The following TTN variants were observed in gnomAD, a reference collection of about 807,000 sequenced individuals.
TTN encodes the protein titin.
In TTN, 1,525 loss-of-function variants were observed where a neutral mutation model predicts 3,223.0. That is an observed-to-expected ratio of 0.47 (90% CI 0.45 to 0.49). TTN has a LOEUF of 0.49. Ranked by LOEUF, TTN falls within the 20% of genes least tolerant of loss-of-function variation. The pLI, the probability that TTN is intolerant of heterozygous loss-of-function variation, is 0.00. For missense variants in TTN, 40,786 were observed against 43,424.0 expected, an observed-to-expected ratio of 0.94 and a Z score of 5.40; for synonymous variants, 14,094 against 15,161.0, an observed-to-expected ratio of 0.93 and a Z score of 5.17.
Position 178,804,593 on chromosome 2 carries a change from A to G in TTN, c.50T>C (p.Val17Ala). The change falls in exon 2 of 363, where the codon GTA becomes GCA. Residue 17 changes from valine (V) to alanine (A), a missense_variant. Coordinates refer to ENST00000589042, the MANE Select transcript of TTN (RefSeq NM_001267550.2). ...TFTQPLQSVV[V>A]LEGSTATFEA... ...AAAGGTTGCGGTACTACCCTCCAGTACCACAACGCTTTGTAACGGCTGCGT... is the reference window on the plus strand; with the variant it reads ...AAAGGTTGCGGTACTACCCTCCAGTGCCACAACGCTTTGTAACGGCTGCGT... The G allele has an allele frequency of 6.2e-7, 1 of 1,614,100 alleles. No homozygotes were observed. Among genetic ancestry groups the G allele is most frequent in the Non-Finnish European group, 8.5e-7 (1 of 1,179,976 alleles).
At chr2:178,671,944 T>C in intron 155 of TTN, 27 bp downstream of exon 155, 1 of 1,575,734 alleles carries the variant, frequency 6.3e-7, no homozygotes, top group South Asian at 1.2e-5. Context: ...ATATAAGAAT[T>C]TGTAGTATTT....
chr2:178,728,561 G>A lies in TTN; in HGVS notation c.19365C>T (p.Tyr6455=). ...QSVMKQDSGQ[Y]TFKVENDFGS... is the part of the protein sequence containing the mutation. ...CGAAGTCATTTTCCACCTTGAAAGT[G>A]TACTGACCGCTGTCCTGCTTCATTA... Residue 6455 remains tyrosine (Y), a synonymous_variant, in exon 66 of 363, where the codon TAC becomes TAT. Transcript: ENST00000589042. 2.5e-6 allele frequency: 4 copies of A among 1,613,132 alleles called. No individual in the cohort carries two copies. The highest frequency in any genetic ancestry group is 3.4e-6 in the Non-Finnish European group (4 of 1,179,480).
Position 178,624,567 on chromosome 2 carries a change from T to C in TTN, c.44713A>G (p.Arg14905Gly). 6.2e-7 allele frequency: 1 copy of C among 1,612,810 alleles called. No homozygotes were observed. Among genetic ancestry groups the C allele is most frequent in the South Asian group, 1.1e-5 (1 of 91,064 alleles). ...SKKYEIVADG[R>G]VRKLVIHDCT... The stretch of plus-strand genomic sequence containing the variant: ...TCATGTATAACAAGTTTTCTGACCC[T>C]GCCATCAGCAACAATTTCATACTTC... The change falls in exon 242 of 363, where the codon AGG becomes GGG. Residue 14905 changes from arginine to glycine, a missense_variant. Transcript: ENST00000589042.
At position 178,799,730 on chromosome 2, in the gene TTN, T is replaced by C. The variant is rs866720037; in HGVS notation, c.671A>G (p.Lys224Arg). 5.0e-6 allele frequency: 8 copies of C among 1,614,158 alleles called. No individual in the cohort carries two copies. The Middle Eastern group carries it at 1.3e-3, about 266-fold the overall frequency. ...TCTGGCATCAAAGTGGGCTTCAATC[T>C]TCTGTAAAAGATTAAAACAAAGCCC... ...SESRQTRIEK[K>R]IEAHFDARSI... The change falls in exon 6 of 363, where the codon AAG becomes AGG. Residue 224 changes from lysine (K) to arginine (R), a missense_variant and splice_region_variant. By Grantham distance (26) the Lys-to-Arg change is conservative. Transcript: ENST00000589042.
chr2:178,560,540 T>C lies in TTN; in HGVS notation c.85592A>G (p.Tyr28531Cys). The change falls in exon 326 of 363, where the codon TAT becomes TGT. Residue 28531 changes from tyrosine to cysteine, a missense_variant. Physicochemically the swap from Tyr to Cys is radical, Grantham distance 194. Coordinates refer to ENST00000589042, the MANE Select transcript of TTN (RefSeq NM_001267550.2). ...YIFRVTGVNK[Y>C]GVGEPLESVA... ...ACTCTCTAGGGGCTCACCAACACCA[T>C]ATTTATTAACACCAGTTACTCTAAA... 6.2e-7 allele frequency: 1 copy of C among 1,613,312 alleles called. No homozygotes were observed. Among genetic ancestry groups the C allele is most frequent in the Non-Finnish European group, 8.5e-7 (1 of 1,179,670 alleles).
At position 178,527,152 on chromosome 2, in the gene TTN, G is replaced by A. The variant is rs1686745897; in HGVS notation, c.107836C>T (p.His35946Tyr). The A allele has an allele frequency of 1.2e-6, 2 of 1,613,880 alleles. No homozygotes were observed. Among genetic ancestry groups the A allele is most frequent in the South Asian group, 2.2e-5 (2 of 91,074 alleles). Residue 35946 changes from histidine to tyrosine, a missense_variant, in exon 363 of 363, where the codon CAC becomes TAC. His to Tyr is a moderately conservative substitution (Grantham distance 83, BLOSUM62 2). Coordinates refer to ENST00000589042, the MANE Select transcript of TTN (RefSeq NM_001267550.2). ...KIHSQEQGRF[H>Y]IENTDDLTTL... is the part of the protein sequence containing the mutation. Reference sequence around the variant, plus strand: ...GTCAGGTCATCTGTGTTTTCAATGTGGAACCTCCCCTGTTCTTGACTGTGG... The same window carrying A: ...GTCAGGTCATCTGTGTTTTCAATGTAGAACCTCCCCTGTTCTTGACTGTGG...
chr2:178,720,143 A>T lies in TTN; in HGVS notation c.23499T>A (p.Gly7833=). The T allele has an allele frequency of 6.2e-7, 1 of 1,613,726 alleles. No homozygotes were observed. Among genetic ancestry groups the T allele is most frequent in the Non-Finnish European group, 8.5e-7 (1 of 1,179,716 alleles). The change falls in exon 81 of 363, where the codon GGT becomes GGA. Residue 7833 remains glycine, a synonymous_variant. Coordinates refer to ENST00000589042, the MANE Select transcript of TTN (RefSeq NM_001267550.2). ...TATTTTCACTCTCTCTGATGACTTC[A>T]CCTCTATCTTTCAGCCAGACAACAG... ...PISVVWLKDR[G]EVIRESENTR...
In TTN at chr2:178,681,714, T is replaced by A; in HGVS notation, c.33119A>T (p.Lys11040Met). The A allele has an allele frequency of 1.2e-6, 2 of 1,603,296 alleles. No homozygotes were observed. The highest frequency in any genetic ancestry group is 1.7e-6 in the Non-Finnish European group (2 of 1,177,226). ...ITEPEKPIPV[K>M]PVPEEPVPTK... ...GGGAACTGGTTCTTCTGGGACAGGC[T>A]TTACAGGGATAGGCTTCTCTGGTTC... The change falls in exon 136 of 363, where the codon AAG (lysine) becomes ATG (methionine). Residue 11040 changes from lysine (K) to methionine (M), a missense_variant. Coordinates refer to ENST00000589042, the MANE Select transcript of TTN (RefSeq NM_001267550.2).
In TTN at chr2:178,776,231, C is replaced by T. The variant is rs745311218; in HGVS notation, c.5633G>A (p.Gly1878Glu). 1.3e-5 allele frequency: 21 copies of T among 1,614,038 alleles called. No individual in the cohort carries two copies. Among genetic ancestry groups the T allele is most frequent in the Non-Finnish European group, 1.8e-5 (21 of 1,180,016 alleles). Residue 1878 changes from glycine (G) to glutamate (E), a missense_variant, in exon 28 of 363, where the codon GGA becomes GAA. Coordinates refer to ENST00000589042, the MANE Select transcript of TTN (RefSeq NM_001267550.2). ...CCTTTTGCTTTTGCGGATGAGCTGT[C>T]CATTGAGGTACCAGTTGACTTTGGG... ...PQPKVNWYLN[G>E]QLIRKSKRFR... is the part of the protein sequence containing the mutation.
chr2:178,633,847 GC>G lies in TTN; in HGVS notation c.42651del (p.Glu14217AspfsTer2). ...DISQIKAQVK[E>X]LSSTAQLKVL... ...ACCTTCAGCTGTGCTGTGGAGCTCA[GC>G]TCCTTGACTTGAGCTTTTATCTGAG... On this transcript the variant is annotated frameshift_variant, in exon 231 of 363. Transcript: ENST00000589042. LOFTEE classifies it high-confidence loss of function. The G allele has an allele frequency of 1.9e-6, 3 of 1,613,338 alleles. No individual in the cohort carries two copies. The highest frequency in any genetic ancestry group is 2.5e-6 in the Non-Finnish European group (3 of 1,179,576).
intron 361 of TTN, 66 bp from the exon 362 acceptor site, chr2:178,527,814 T>C (rs1223855859): frequency 1.4e-6 from 2 of 1,443,046 alleles, no homozygotes; most frequent in Non-Finnish European, 1.9e-6. Flanking sequence ...CATATGACGC[T>C]GACTTACAGA....
At chr2:178,555,334 G>A (rs1283489958) in intron 330 of TTN, 182 bp from the exon 331 acceptor site, 2 of 597,726 alleles carry the variant, frequency 3.3e-6, no homozygotes, top group Non-Finnish European at 5.6e-6. Context: ...TATCTCAGAT[G>A]GGGTAGAAAG....
At position 178,566,522 on chromosome 2, in the gene TTN, A is replaced by T. The variant is rs745936423; in HGVS notation, c.79610T>A (p.Val26537Asp). The T allele has an allele frequency of 1.2e-6, 2 of 1,613,462 alleles. No individual in the cohort carries two copies. The highest frequency in any genetic ancestry group is 1.7e-6 in the Non-Finnish European group (2 of 1,179,706). ...CKADEEEWQI[V>D]TPQTGLRVTR... ...GACTCTCAGGCCAGTCTGTGGAGTAACTATTTGCCATTCTTCTTCATCTGC... is the reference window on the plus strand; with the variant it reads ...GACTCTCAGGCCAGTCTGTGGAGTATCTATTTGCCATTCTTCTTCATCTGC... Residue 26537 changes from valine (V) to aspartate (D), a missense_variant, in exon 326 of 363, where the codon GTT becomes GAT. Coordinates refer to ENST00000589042, the MANE Select transcript of TTN (RefSeq NM_001267550.2).
rs1047521985 is a variant in TTN, at chr2:178,797,379, A to G, written c.914+2108T>C. On this transcript the variant is annotated intron_variant, in intron 6 of 362. Transcript: ENST00000589042. The stretch of plus-strand genomic sequence containing the variant: ...TGGAAAACATCTAGCATTTTTTTTC[A>G]CATGTTTATTGGACTTTTACATTGC... Among the ~76,000 whole-genome samples, 17 of 122,616 alleles carry G rather than the reference A, an allele frequency of 1.4e-4. No individual in the cohort carries two copies. The East Asian group carries it at 3.4e-3, about 25-fold the overall frequency. The allele number at this position is 122,616 out of a possible 152,430, so 80.4% of individuals were successfully genotyped here. A position where few individuals can be genotyped will look rare whatever the true frequency, so the allele number is the denominator to read the frequency against.
intron 6 of TTN, chr2:178,799,280 A>ACACACAAG (rs2093928571): frequency 2.8e-6 from 2 of 709,082 alleles, no homozygotes; most frequent in Non-Finnish European, 4.6e-6. Flanking sequence ...TAGTAGGCAG[A>ACACACAAG]CACACAAGCG....
In TTN at chr2:178,568,892, T is replaced by A; in HGVS notation, c.77240A>T (p.Glu25747Val). 6.2e-7 allele frequency: 1 copy of A among 1,613,224 alleles called. No individual in the cohort carries two copies. The highest frequency in any genetic ancestry group is 8.5e-7 in the Non-Finnish European group (1 of 1,179,546). The change falls in exon 326 of 363, where the codon GAG becomes GTG. Residue 25747 changes from glutamate (E) to valine (V), a missense_variant. By Grantham distance (121) the Glu-to-Val change is moderately radical. Coordinates refer to ENST00000589042, the MANE Select transcript of TTN (RefSeq NM_001267550.2). ...MQAKHSEKWS[E>V]CARVKSLQAV... is the part of the protein sequence containing the mutation. ...CTGAAGAGACTTTACTCGAGCACAC[T>A]CTGACCATTTCTCACTGTGTTTAGC...
In TTN at chr2:178,554,974, G is replaced by A. The variant is rs371612136; in HGVS notation, c.88485C>T (p.Leu29495=). Residue 29495 remains leucine, a synonymous_variant, in exon 331 of 363, where the codon CTC becomes CTT. Coordinates refer to ENST00000589042, the MANE Select transcript of TTN (RefSeq NM_001267550.2). ...CGGCATCTTTGATGAGTATAGATGCGAGGTCCGTGGTATTTTCAACACACA... is the reference window on the plus strand; with the variant it reads ...CGGCATCTTTGATGAGTATAGATGCAAGGTCCGTGGTATTTTCAACACACA... ...ALVCVENTTD[L]ASILIKDADR... 1.4e-4 allele frequency: 230 copies of A among 1,613,600 alleles called. 1 individual carries two copies. In the African/African-American group the frequency reaches 2.8e-3, roughly 20 times the overall value.
chr2:178,717,429 C>G, intron 87 of TTN, 47 bp from the exon 88 acceptor site: 1 of 1,576,376 alleles, frequency 6.3e-7, no homozygotes, highest in Non-Finnish European at 8.6e-7. Context: ...TCCATGCTCT[C>G]ACATACAGAG....
In TTN at chr2:178,710,684, A is replaced by G; in HGVS notation, c.28413T>C (p.Ala9471=). The change falls in exon 98 of 363, where the codon GCT becomes GCC. Residue 9471 remains alanine (A), a synonymous_variant. Coordinates refer to ENST00000589042, the MANE Select transcript of TTN (RefSeq NM_001267550.2). Reference sequence around the variant, plus strand: ...AAGAGTCTTTTCCCACTTCATTCACAGCATAGCAGGTATATTGTCCAGAAT... The same window carrying G: ...AAGAGTCTTTTCCCACTTCATTCACGGCATAGCAGGTATATTGTCCAGAAT... ...KGDSGQYTCY[A]VNEVGKDSCT... 1 of 1,613,334 alleles carries G rather than the reference A, an allele frequency of 6.2e-7. No homozygotes were observed. Among genetic ancestry groups the G allele is most frequent in the Non-Finnish European group, 8.5e-7 (1 of 1,179,786 alleles).
Sources: allele counts gnomAD v4.1 joint callset (sites outside exome capture counted in the v4.1 genomes callset), GRCh38; gene constraint gnomAD v4.1.1; transcripts MANE v1.5; gene names NCBI Gene and HGNC (gene_info 2026-07-23, HGNC 2026-07-21).